PKHD1: variants seen among roughly 807,000 people sequenced by gnomAD.
PKHD1 encodes PKHD1 ciliary IPT domain containing fibrocystin/polyductin, also known as fibrocystin.
Under a neutral mutation model 412.0 loss-of-function variants are expected in PKHD1, and 291 were observed. The ratio of observed to expected loss-of-function variants is 0.71; its 90% CI spans 0.64 to 0.78. PKHD1 has a LOEUF of 0.78. Ranked by LOEUF, PKHD1 falls within the 30% of genes least tolerant of loss-of-function variation. The probability of loss-of-function intolerance (pLI) is 0.00; values close to 1 mark genes in which losing one functional copy is unlikely to be tolerated. For synonymous variants in PKHD1, 1,777 were observed against 1,821.5 expected, an observed-to-expected ratio of 0.98 and a Z score of 0.62; for missense variants, 4,825 against 4,950.7, an observed-to-expected ratio of 0.97 and a Z score of 0.76.
rs1402154005 is a variant in PKHD1, at chr6:52,059,914, A to C, written c.1233+14T>G. On this transcript the variant is annotated intron_variant, in intron 15 of 66. Transcript: ENST00000371117. ...TGGCAACAGAGAAAAGGAAAATGAG[A>C]AGACAGTGAATACCTTAGTCCTTGG... 8.2e-7 allele frequency: 1 copy of C among 1,214,070 alleles called. No homozygotes were observed. Among genetic ancestry groups the C allele is most frequent in the Admixed American group, 1.7e-5 (1 of 59,582 alleles). The allele number at this position is 1,214,070 out of a possible 1,614,324, so 75.2% of individuals were successfully genotyped here. A position where few individuals can be genotyped will look rare whatever the true frequency, so the allele number is the denominator to read the frequency against.
At chr6:51,890,477 G>A (rs192508936) in intron 43 of PKHD1, among the ~76,000 whole-genome samples, 1 of 152,090 alleles carries the variant, frequency 6.6e-6, no homozygotes, top group East Asian at 1.9e-4. Flanking sequence ...ATTCACGCAA[G>A]GGAAATTCCA....
At chr6:52,086,686 A>C (rs192969653) in intron 1 of PKHD1, among the ~76,000 whole-genome samples, 1 of 152,364 alleles carries the variant, frequency 6.6e-6, no homozygotes. Context: ...CCTGCCCCCG[A>C]GTCATTACCA....
intron 34 of PKHD1, among the ~76,000 whole-genome samples, chr6:52,010,963 A>G (rs952573047): frequency 6.6e-6 from 1 of 152,182 alleles, no homozygotes; most frequent in Non-Finnish European, 1.5e-5. Flanking sequence ...CCAACTGTGA[A>G]AAAATGAGCT....
rs1347658704 is a variant in PKHD1, at chr6:52,022,030, T to C, written c.5380+771A>G. On this transcript the variant is annotated intron_variant, in intron 33 of 66. Transcript: ENST00000371117. ...CAAATAAGGTAATCACCTGGCTAAA[T>C]GTGAGCTATCTCAAATGTAGTAAGG... Among the ~76,000 whole-genome samples the C allele has an allele frequency of 4.6e-5, 7 of 152,360 alleles. No individual in the cohort carries two copies. In the East Asian group the frequency reaches 1.3e-3, roughly 29 times the overall value.
intron 60 of PKHD1, among the ~76,000 whole-genome samples, chr6:51,710,317 G>A (rs1019223321): frequency 1.3e-5 from 2 of 152,130 alleles, no homozygotes; most frequent in African/African-American, 4.8e-5. Context: ...TGACAAGAGA[G>A]GCAAATATTC....
chr6:51,700,540 G>A (rs1052600581), intron 60 of PKHD1, among the ~76,000 whole-genome samples: 3 of 151,942 alleles, frequency 2.0e-5, no homozygotes, highest in African/African-American at 4.8e-5. Context: ...GCTTCCAAGT[G>A]GAAGACAATA....
chr6:51,914,174 G>C (rs962205230), intron 37 of PKHD1, among the ~76,000 whole-genome samples: 1 of 152,040 alleles, frequency 6.6e-6, no homozygotes, highest in Non-Finnish European at 1.5e-5. Context: ...TGCAAGCTAC[G>C]CATGGCAGAA....
intron 43 of PKHD1, among the ~76,000 whole-genome samples, chr6:51,896,323 G>C (rs1463944148): frequency 3.3e-5 from 5 of 151,036 alleles, no homozygotes; most frequent in Non-Finnish European, 7.4e-5. Flanking sequence ...ATCTGAGAAC[G>C]GGCAGACTGC....
chr6:51,648,155 T>C (rs750737519), intron 62 of PKHD1, 37 bp from the exon 63 acceptor site: 1 of 1,191,952 alleles, frequency 8.4e-7, no homozygotes, highest in East Asian at 2.3e-5. Flanking sequence ...GAAGAAAAAG[T>C]TGGATTCAGA....
At chr6:51,688,580 A>C (rs920529024) in intron 60 of PKHD1, among the ~76,000 whole-genome samples, 1 of 152,112 alleles carries the variant, frequency 6.6e-6, no homozygotes, top group African/African-American at 2.4e-5. Context: ...AATAATATAG[A>C]TCACTAGCTA....
chr6:51,693,763 T>C (rs1199180322), intron 60 of PKHD1, among the ~76,000 whole-genome samples: 1 of 152,210 alleles, frequency 6.6e-6, no homozygotes, highest in Admixed American at 6.5e-5. Context: ...AGATGACATG[T>C]ACTGAGTGAC....
intron 40 of PKHD1, 51 bp downstream of exon 40, chr6:51,909,232 T>C (rs1562594407): frequency 1.4e-6 from 2 of 1,397,108 alleles, no homozygotes; most frequent in Middle Eastern, 3.8e-4. Flanking sequence ...TGTAGTGCCT[T>C]AAACATGGGA....
rs1346720295 is a variant in PKHD1 at position 51,617,975 on chromosome 6, C to A, written c.*1106G>T. On this transcript the variant is annotated 3_prime_UTR_variant, in exon 67 of 67. Transcript: ENST00000371117. ...CGATCTTTTCTTTACATGCTTGGAG[C>A]ATAAGGCCTTCTGGATCCAGAGCCA... is the stretch of plus-strand genomic sequence containing the variant. 6.6e-6 allele frequency: 1 copy of A among 152,116 alleles called. No homozygotes were observed. Among genetic ancestry groups the A allele is most frequent in the East Asian group, 1.9e-4 (1 of 5,182 alleles). The allele number at this position is 152,116 out of a possible 1,614,324, so 9.4% of individuals were successfully genotyped here.
In PKHD1 at chr6:51,963,558, A is replaced by C. The variant is rs142950046; in HGVS notation, c.5752-3532T>G. Among the ~76,000 whole-genome samples the C allele has an allele frequency of 2.0e-5, 3 of 152,254 alleles. No homozygotes were observed. The East Asian group carries it at 5.8e-4, about 29-fold the overall frequency. On this transcript the variant is annotated intron_variant, in intron 35 of 66. Transcript: ENST00000371117. ...CTCTATGATTGCAAGTTATCAGTGTAATCCATGATTACATGCACGTTGCCA... is the reference window on the plus strand; with the variant it reads ...CTCTATGATTGCAAGTTATCAGTGTCATCCATGATTACATGCACGTTGCCA...
chr6:51,678,560 A>G (rs1776190889), intron 60 of PKHD1, among the ~76,000 whole-genome samples: 1 of 152,164 alleles, frequency 6.6e-6, no homozygotes, highest in Non-Finnish European at 1.5e-5. Flanking sequence ...GGTAGAAATG[A>G]CAACCTATGT....
chr6:51,647,884 T>C, intron 63 of PKHD1, 147 bp downstream of exon 63: 1 of 666,860 alleles, frequency 1.5e-6, no homozygotes, highest in Non-Finnish European at 2.7e-6. Context: ...ACACTGACAC[T>C]GTAGATTAGG....
chr6:51,699,920 A>AGTGTGTATGTGTGCGT, intron 60 of PKHD1, among the ~76,000 whole-genome samples: 1 of 137,906 alleles, frequency 7.3e-6, no homozygotes, highest in East Asian at 2.2e-4. Flanking sequence ...ATATATATGG[A>AGTGTGTATGTGTGCGT]GTGTGTGTGT....
intron 35 of PKHD1, among the ~76,000 whole-genome samples, chr6:51,972,763 G>A (rs776289614): frequency 6.6e-6 from 1 of 152,134 alleles, no homozygotes; most frequent in African/African-American, 2.4e-5. Context: ...TCCCTTTTCT[G>A]CCAAACCCTG....
At chr6:51,712,610 A>T (rs1382186276) in intron 60 of PKHD1, among the ~76,000 whole-genome samples, 2 of 152,194 alleles carry the variant, frequency 1.3e-5, no homozygotes, top group African/African-American at 4.8e-5. Flanking sequence ...TGAACAAAAC[A>T]TTTGTAATTA....
Sources: gnomAD v4.1 joint callset for allele counts (sites outside exome capture counted in the v4.1 genomes callset) on GRCh38, gnomAD v4.1.1 for gene constraint, MANE v1.5 for transcripts, NCBI Gene and HGNC (gene_info 2026-07-23, HGNC 2026-07-21) for gene names.